Variants in YAP1 observed in about 807,000 individuals in gnomAD.
YAP1 encodes the protein Yes1 associated transcriptional regulator, also known as transcriptional coactivator YAP1.
A neutral mutation model predicts 56.9 loss-of-function variants in YAP1; 5 were observed. The ratio of observed to expected loss-of-function variants is 0.09; its 90% CI spans 0.05 to 0.18. The LOEUF (loss-of-function observed/expected upper bound fraction) is 0.18. Ranked by LOEUF, YAP1 falls within the 10% of genes least tolerant of loss-of-function variation. The probability of loss-of-function intolerance (pLI) is 1.00; values close to 1 mark genes in which losing one functional copy is unlikely to be tolerated. For missense variants in YAP1, 539 were observed against 651.8 expected (o/e 0.83, Z 1.88); for synonymous variants, 265 against 248.1 (o/e 1.07, Z -0.64).
chr11:102,179,590 G>A (rs4447144), intron 3 of YAP1, among the ~76,000 whole-genome samples: 92,802 of 152,036 alleles, frequency 0.61, 28,700 homozygotes, highest in South Asian at 0.73. Context: ...TTGGCTAGGA[G>A]TGCATTTAGG....
chr11:102,203,863 C>CA (rs1470886641), intron 4 of YAP1, among the ~76,000 whole-genome samples: 1 of 150,860 alleles, frequency 6.6e-6, no homozygotes, highest in Non-Finnish European at 1.5e-5. Flanking sequence ...TTAAGTCTTC[C>CA]AAAAAAAGAT....
In YAP1 at chr11:102,231,438, A is replaced by G. The variant is rs1950431747; in HGVS notation, c.*1498A>G. ...TCTATGCTGAAAATTGACCCTGGAT[A>G]GAATACTATAAGGTTTTGAGTTAGC... On this transcript the variant is annotated 3_prime_UTR_variant, in exon 9 of 9. Transcript: ENST00000282441. 6.6e-6 allele frequency: 1 copy of G among 152,522 alleles called. No homozygotes were observed. Among genetic ancestry groups the G allele is most frequent in the African/African-American group, 2.4e-5 (1 of 41,466 alleles). The allele number at this position is 152,522 out of a possible 1,614,324, so 9.4% of individuals were successfully genotyped here. A position where few individuals can be genotyped will look rare whatever the true frequency, so the allele number is the denominator to read the frequency against.
At chr11:102,214,173 T>G (rs995521493) in intron 6 of YAP1, among the ~76,000 whole-genome samples, 1 of 152,348 alleles carries the variant, frequency 6.6e-6, no homozygotes, top group African/African-American at 2.4e-5. Context: ...ATAATTCCAA[T>G]TTAGGTGGTC....
chr11:102,157,216 A>G (rs1007111618), intron 2 of YAP1, among the ~76,000 whole-genome samples: 3 of 152,246 alleles, frequency 2.0e-5, no homozygotes, highest in African/African-American at 7.2e-5. Context: ...TCAAGGAAAT[A>G]TAGTATATGC....
At chr11:102,171,582 G>C (rs978632974) in intron 3 of YAP1, among the ~76,000 whole-genome samples, 1 of 152,148 alleles carries the variant, frequency 6.6e-6, no homozygotes, top group Non-Finnish European at 1.5e-5. Flanking sequence ...AATAAACTTA[G>C]TAAACTAACT....
chr11:102,223,236 G>A (rs1447932819), intron 6 of YAP1, among the ~76,000 whole-genome samples: 4 of 142,734 alleles, frequency 2.8e-5, no homozygotes, highest in Non-Finnish European at 6.0e-5. Context: ...GACAGAGTGA[G>A]ACTCCGTCTT....
chr11:102,219,805 C>T (rs1949833745), intron 6 of YAP1, among the ~76,000 whole-genome samples: 1 of 151,862 alleles, frequency 6.6e-6, no homozygotes, highest in South Asian at 2.1e-4. Flanking sequence ...GCTCTGTCAC[C>T]TAGGCTGGAG....
At chr11:102,200,381 T>A (rs891977303) in intron 4 of YAP1, among the ~76,000 whole-genome samples, 2 of 152,008 alleles carry the variant, frequency 1.3e-5, no homozygotes, top group Non-Finnish European at 2.9e-5. Context: ...TCTCTGTAGT[T>A]TGAAAGTGAG....
intron 2 of YAP1, among the ~76,000 whole-genome samples, chr11:102,159,107 T>A (rs1182841169): frequency 6.6e-6 from 1 of 152,238 alleles, no homozygotes; most frequent in African/African-American, 2.4e-5. Context: ...TATTATGTTG[T>A]TCCCCTTCCC....
At chr11:102,168,110 G>A (rs373671358) in intron 3 of YAP1, among the ~76,000 whole-genome samples, 3 of 152,102 alleles carry the variant, frequency 2.0e-5, no homozygotes, top group Admixed American at 6.6e-5. Flanking sequence ...CTTAGGATCC[G>A]TAGTTTTTCT....
At chr11:102,124,285 T>C (rs1024229105) in intron 2 of YAP1, among the ~76,000 whole-genome samples, 4 of 152,172 alleles carry the variant, frequency 2.6e-5, no homozygotes, top group African/African-American at 9.7e-5. Flanking sequence ...GTTTGCTAAT[T>C]GAGTGTTTGC....
intron 2 of YAP1, among the ~76,000 whole-genome samples, chr11:102,121,981 A>G (rs1011090566): frequency 6.6e-6 from 1 of 152,082 alleles, no homozygotes; most frequent in Non-Finnish European, 1.5e-5. Context: ...AATTTTTTGT[A>G]GAGACCAGGT....
intron 6 of YAP1, 83 bp from the exon 7 acceptor site, chr11:102,223,539 C>G: frequency 6.8e-7 from 1 of 1,464,690 alleles, no homozygotes; most frequent in Non-Finnish European, 9.2e-7. Context: ...CACGGTTACT[C>G]TGATGAACGT....
At chr11:102,188,402 G>A (rs1948099059) in intron 4 of YAP1, among the ~76,000 whole-genome samples, 1 of 152,090 alleles carries the variant, frequency 6.6e-6, no homozygotes, top group Non-Finnish European at 1.5e-5. Flanking sequence ...CCTTTTATAT[G>A]TTTATTTATC....
chr11:102,122,382 G>A (rs994226455), intron 2 of YAP1, among the ~76,000 whole-genome samples: 1 of 151,336 alleles, frequency 6.6e-6, no homozygotes, highest in Non-Finnish European at 1.5e-5. Context: ...CCAACATCAC[G>A]CCACTGCACT....
In YAP1 at chr11:102,169,208, C is replaced by T. The variant is rs188186480; in HGVS notation, c.688+6637C>T. ...GCATTAAATGACAGAATCCATATCA[C>T]ATAGTTAAAATGTATTATTAATAGT... On this transcript the variant is annotated intron_variant, in intron 3 of 8. Coordinates refer to ENST00000282441, the MANE Select transcript of YAP1 (RefSeq NM_001130145.3). Among the ~76,000 whole-genome samples the T allele has an allele frequency of 7.9e-4, 120 of 152,270 alleles. 1 individual carries two copies. Among genetic ancestry groups the T allele is most frequent in the Middle Eastern group, 3.4e-3 (1 of 294 alleles).
intron 4 of YAP1, among the ~76,000 whole-genome samples, chr11:102,192,446 G>A (rs529622936): frequency 2.0e-4 from 30 of 152,334 alleles, no homozygotes; most frequent in African/African-American, 7.2e-4. Flanking sequence ...TCAATCTGCA[G>A]TAGAGGCTAG....
At chr11:102,112,247 A>G (rs1418763858) in intron 1 of YAP1, among the ~76,000 whole-genome samples, 2 of 152,158 alleles carry the variant, frequency 1.3e-5, no homozygotes, top group Non-Finnish European at 1.5e-5. Context: ...TTGCTTTTTA[A>G]TTCTTATTGC....
chr11:102,165,164 G>A (rs1370228758), intron 3 of YAP1, among the ~76,000 whole-genome samples: 7 of 151,558 alleles, frequency 4.6e-5, no homozygotes, highest in South Asian at 2.1e-4. Context: ...TTTGAGACCC[G>A]CCTGGGAAAC....
Sources: gnomAD v4.1 joint callset for allele counts (sites outside exome capture counted in the v4.1 genomes callset) on GRCh38, gnomAD v4.1.1 for gene constraint, MANE v1.5 for transcripts, NCBI Gene and HGNC (gene_info 2026-07-23, HGNC 2026-07-21) for gene names.